The following LY75 variants were observed in gnomAD, a reference collection of about 807,000 sequenced individuals.
LY75 encodes lymphocyte antigen 75.
Under a neutral mutation model 231.7 loss-of-function variants are expected in LY75, and 185 were observed. The observed-to-expected ratio is 0.80, with a 90% CI of 0.71 to 0.90. The LOEUF (loss-of-function observed/expected upper bound fraction) is 0.90, where lower values mean the gene tolerates loss of function less well. LY75 is among the 40% of genes least tolerant of loss of function. LY75 has a pLI of 0.00. For synonymous variants in LY75, 668 were observed against 689.0 expected, an observed-to-expected ratio of 0.97 and a Z score of 0.48; for missense variants, 1,947 against 2,050.2, an observed-to-expected ratio of 0.95 and a Z score of 0.97.
At chr2:159,848,093 T>TATATATATATACACACACACAC in intron 23 of LY75, among the ~76,000 whole-genome samples, 3 of 28,548 alleles carry the variant, frequency 1.1e-4, no homozygotes, top group African/African-American at 2.8e-4. Context: ...TATATATATA[T>TATATATATATACACACACACAC]ACACACACAC....
In LY75 at chr2:159,819,800, A is replaced by C. The variant is rs761972051; in HGVS notation, c.4079T>G (p.Ile1360Ser). Residue 1360 changes from isoleucine (I) to serine (S), a missense_variant, in exon 29 of 35, where the codon ATT becomes AGT. Physicochemically the swap from Ile to Ser is moderately radical, Grantham distance 142. Transcript: ENST00000263636. Reference sequence around the variant, plus strand: ...TTCTTCAATAACTTTAAAGGTTTGAATATCCCAGAAGCCGTCAGTACTTAA... The same window carrying C: ...TTCTTCAATAACTTTAAAGGTTTGACTATCCCAGAAGCCGTCAGTACTTAA... ...AGLSTDGFWDIQTFKVIEEAV... is the reference protein window; with the variant it reads ...AGLSTDGFWDSQTFKVIEEAV... 8.1e-6 allele frequency: 13 copies of C among 1,614,008 alleles called. No individual in the cohort carries two copies. In the East Asian group the frequency reaches 8.9e-5, roughly 11 times the overall value.
chr2:159,874,022 A>T (rs1484338613), intron 12 of LY75, among the ~76,000 whole-genome samples: 1 of 112,006 alleles, frequency 8.9e-6, no homozygotes, highest in Admixed American at 1.2e-4. Context: ...AAAAATACAT[A>T]TAAACGTATA....
chr2:159,890,476 AG>A, intron 3 of LY75, 99 bp from the exon 4 acceptor site: 2 of 1,530,226 alleles, frequency 1.3e-6, no homozygotes, highest in African/African-American at 2.8e-5. Context: ...GCATACTCTT[AG>A]GATATGCCCA....
chr2:159,882,223 C>G lies in LY75; in HGVS notation c.1147G>C (p.Asp383His). 1 of 1,614,026 alleles carries G rather than the reference C, an allele frequency of 6.2e-7. No homozygotes were observed. Among genetic ancestry groups the G allele is most frequent in the South Asian group, 1.1e-5 (1 of 91,084 alleles). The change falls in exon 7 of 35, where the codon GAT becomes CAT. Residue 383 changes from aspartate to histidine, a missense_variant. Coordinates refer to ENST00000263636, the MANE Select transcript of LY75 (RefSeq NM_002349.4). ...GCTTTGCATTTCGCATGTGCCTTAT[C>G]CCAGGAATTACTTTCATTTACCAGC... ...YLLVNESNSW[D>H]KAHAKCKAFS...
intron 3 of LY75, among the ~76,000 whole-genome samples, chr2:159,892,028 C>G (rs1685773645): frequency 6.6e-6 from 1 of 152,198 alleles, no homozygotes; most frequent in Non-Finnish European, 1.5e-5. Flanking sequence ...GCCTGGGCCT[C>G]TAATTAGATA....
intron 13 of LY75, among the ~76,000 whole-genome samples, chr2:159,868,808 C>T (rs926873230): frequency 1.3e-5 from 2 of 152,148 alleles, no homozygotes; most frequent in African/African-American, 4.8e-5. Context: ...CAGCATTTTA[C>T]TTAAAAATAC....
At chr2:159,808,125 T>C (rs1682841964) in intron 33 of LY75, 1 of 985,270 alleles carries the variant, frequency 1.0e-6, no homozygotes, top group African/African-American at 1.7e-5. Flanking sequence ...AAGGCAGGCA[T>C]GGGTTCCTTG....
chr2:159,879,909 G>A (rs564023775), intron 8 of LY75, among the ~76,000 whole-genome samples: 4 of 152,176 alleles, frequency 2.6e-5, no homozygotes, highest in South Asian at 2.1e-4. Flanking sequence ...AATTGACTAC[G>A]TCACTTTGCT....
intron 5 of LY75, 138 bp from the exon 6 acceptor site, chr2:159,885,431 G>A (rs190467218): frequency 1.3e-5 from 14 of 1,040,474 alleles, no homozygotes; most frequent in South Asian, 1.1e-4. Context: ...AAATTGAAAC[G>A]TATAAGCCTC....
At position 159,816,999 on chromosome 2, in the gene LY75, G is replaced by A. The variant is rs1683138101; in HGVS notation, c.4187C>T (p.Pro1396Leu). The A allele has an allele frequency of 6.2e-7, 1 of 1,613,838 alleles. No homozygotes were observed. Among genetic ancestry groups the A allele is most frequent in the Middle Eastern group, 1.7e-4 (1 of 6,060 alleles). Reference protein sequence around the residue: ...DYKEEYNTTLPQFMPYEDGIY... With the variant: ...DYKEEYNTTLLQFMPYEDGIY... ...ACCATCTTCATATGGCATAAACTGT[G>A]GCAGTGTAGTATTATATTCTTCTTT... is the stretch of plus-strand genomic sequence containing the variant. Residue 1396 changes from proline (P) to leucine (L), a missense_variant, in exon 30 of 35, where the codon CCA (proline) becomes CTA (leucine). Pro to Leu is a moderately conservative substitution (Grantham distance 98, BLOSUM62 -3). Coordinates refer to ENST00000263636, the MANE Select transcript of LY75 (RefSeq NM_002349.4).
At chr2:159,869,413 A>T (rs1684946501) in intron 13 of LY75, among the ~76,000 whole-genome samples, 1 of 152,128 alleles carries the variant, frequency 6.6e-6, no homozygotes, top group South Asian at 2.1e-4. Context: ...TGAATGTGAG[A>T]ACTGGGTTAA....
rs773323240 is a variant in LY75, at chr2:159,840,795, C to T, written c.3441G>A (p.Gln1147=). Residue 1147 remains glutamine (Q), a synonymous_variant, in exon 25 of 35, where the codon CAG becomes CAA. Transcript: ENST00000263636. The part of the protein sequence containing the change: ...QLVSITDPYQ[Q]AFLSVQALLH... ...GGAGCGCCTGCACACTGAGGAATGC[C>T]TGCTGGTAAGGGTCCGTGATGCTCA... 1 of 1,614,082 alleles carries T rather than the reference C, an allele frequency of 6.2e-7. No homozygotes were observed. Among genetic ancestry groups the T allele is most frequent in the Non-Finnish European group, 8.5e-7 (1 of 1,179,978 alleles).
intron 30 of LY75, among the ~76,000 whole-genome samples, chr2:159,816,457 C>G (rs1683121759): frequency 6.6e-6 from 1 of 152,186 alleles, no homozygotes; most frequent in Non-Finnish European, 1.5e-5. Context: ...GATCACCCAG[C>G]ACATAAATGG....
intron 14 of LY75, among the ~76,000 whole-genome samples, chr2:159,863,926 T>C (rs1331601378): frequency 6.6e-6 from 1 of 152,162 alleles, no homozygotes; most frequent in Non-Finnish European, 1.5e-5. Context: ...TACAAATCCC[T>C]ATAGTAGTCA....
chr2:159,864,858 T>C lies in LY75; in HGVS notation c.2180A>G (p.Gln727Arg), dbSNP rs1266541144. Residue 727 changes from glutamine to arginine, a missense_variant, in exon 14 of 35, where the codon CAA becomes CGA. Coordinates refer to ENST00000263636, the MANE Select transcript of LY75 (RefSeq NM_002349.4). ...ACTTACTGGTGTACGATCACTCCAT[T>C]GCCAGGATCCTTGTAAATCTGGGCT... ...KRSPDLQGSW[Q>R]WSDRTPVSTI... 1 of 1,604,016 alleles carries C rather than the reference T, an allele frequency of 6.2e-7. No individual in the cohort carries two copies. The highest frequency in any genetic ancestry group is 8.5e-7 in the Non-Finnish European group (1 of 1,175,298).
chr2:159,885,116 C>T, intron 6 of LY75, 37 bp downstream of exon 6: 2 of 1,589,808 alleles, frequency 1.3e-6, no homozygotes, highest in Non-Finnish European at 1.7e-6. Context: ...ATTTTAAGAC[C>T]TATTTGTCTA....
At chr2:159,809,917 A>G (rs550633497) in intron 32 of LY75, among the ~76,000 whole-genome samples, 1 of 152,248 alleles carries the variant, frequency 6.6e-6, no homozygotes, top group African/African-American at 2.4e-5. Context: ...ACCTCAAGTG[A>G]TCCTCCCACC....
intron 15 of LY75, among the ~76,000 whole-genome samples, chr2:159,860,428 C>A (rs1684669422): frequency 6.6e-6 from 1 of 152,078 alleles, no homozygotes; most frequent in Non-Finnish European, 1.5e-5. Context: ...TATTTTATAC[C>A]ACTTTCTCAT....
At chr2:159,874,636 T>C (rs1166978208) in intron 12 of LY75, among the ~76,000 whole-genome samples, 5 of 9,036 alleles carry the variant, frequency 5.5e-4, no homozygotes, top group African/African-American at 2.5e-3. Flanking sequence ...AGTAAATATA[T>C]GTAAATATAT....
Sources: gnomAD v4.1 joint callset for allele counts (sites outside exome capture counted in the v4.1 genomes callset) on GRCh38, gnomAD v4.1.1 for gene constraint, MANE v1.5 for transcripts, NCBI Gene and HGNC (gene_info 2026-07-23, HGNC 2026-07-21) for gene names.